Variants in GALNTL6 observed in about 807,000 individuals in gnomAD.
GALNTL6 encodes polypeptide N-acetylgalactosaminyltransferase like 6.
GALNTL6 carries 46 observed loss-of-function variants against 73.7 expected under a neutral mutation model. The ratio of observed to expected loss-of-function variants is 0.62; its 90% CI spans 0.49 to 0.80. GALNTL6 has a LOEUF of 0.80. Among genes scored for constraint, GALNTL6 ranks in the 30% least tolerant of loss-of-function variants. The pLI, the probability that GALNTL6 is intolerant of heterozygous loss-of-function variation, is 0.00. For missense variants in GALNTL6, 604 were observed against 755.0 expected (o/e 0.80, Z 2.34); for synonymous variants, 259 against 263.7 (o/e 0.98, Z 0.17).
intron 2 of GALNTL6, among the ~76,000 whole-genome samples, chr4:171,929,271 T>C (rs144026726): frequency 6.6e-6 from 1 of 152,124 alleles, no homozygotes; most frequent in Admixed American, 6.6e-5. Context: ...GGGATCTCTC[T>C]GTATTGCCCA....
chr4:172,974,877 G>A (rs912336211), intron 10 of GALNTL6, among the ~76,000 whole-genome samples: 2 of 152,216 alleles, frequency 1.3e-5, no homozygotes, highest in Admixed American at 6.5e-5. Context: ...GGCATACCAC[G>A]ACCAGCTTCT....
At chr4:172,311,810 A>ATT in intron 4 of GALNTL6, 58 bp downstream of exon 4, 2 of 1,253,724 alleles carry the variant, frequency 1.6e-6, no homozygotes, top group Admixed American at 2.8e-5. Flanking sequence ...TTGTCCTTTG[A>ATT]TTTTTTTTTA....
At chr4:172,870,524 G>A (rs1436413887) in intron 7 of GALNTL6, among the ~76,000 whole-genome samples, 3 of 152,116 alleles carry the variant, frequency 2.0e-5, no homozygotes, top group Admixed American at 1.3e-4. Context: ...ATAGCCTTTC[G>A]CTTTGGCCCA....
intron 5 of GALNTL6, among the ~76,000 whole-genome samples, chr4:172,426,284 A>G (rs1379180460): frequency 2.6e-5 from 4 of 152,028 alleles, no homozygotes; most frequent in Admixed American, 2.6e-4. Flanking sequence ...TGAGGATAAC[A>G]CCACAATTAA....
At chr4:172,739,180 A>G (rs182292221) in intron 5 of GALNTL6, among the ~76,000 whole-genome samples, 88 of 152,294 alleles carry the variant, frequency 5.8e-4, no homozygotes, top group African/African-American at 1.9e-3. Flanking sequence ...GGAGGGCCTT[A>G]GAATTTTATT....
At chr4:172,942,156 T>G (rs1468491195) in intron 9 of GALNTL6, among the ~76,000 whole-genome samples, 3 of 152,212 alleles carry the variant, frequency 2.0e-5, no homozygotes, top group Non-Finnish European at 4.4e-5. Context: ...GTTCTAATTC[T>G]GAAAACAGTT....
intron 2 of GALNTL6, among the ~76,000 whole-genome samples, chr4:172,037,690 A>G (rs1001383080): frequency 3.9e-5 from 6 of 152,216 alleles, no homozygotes; most frequent in African/African-American, 1.4e-4. Context: ...GATGGGACAG[A>G]CTATGCTGAA....
chr4:172,976,443 A>G (rs756014600), intron 10 of GALNTL6, among the ~76,000 whole-genome samples: 1 of 152,204 alleles, frequency 6.6e-6, no homozygotes, highest in Non-Finnish European at 1.5e-5. Context: ...TCACATAAGT[A>G]TATCCCTGCA....
chr4:172,293,414 A>AT (rs1739540066), intron 3 of GALNTL6, among the ~76,000 whole-genome samples: 1 of 149,298 alleles, frequency 6.7e-6, no homozygotes, highest in Non-Finnish European at 1.5e-5. Flanking sequence ...TTTAAATATG[A>AT]TTATATATGC....
At chr4:172,309,285 T>C (rs1740266444) in intron 3 of GALNTL6, among the ~76,000 whole-genome samples, 1 of 152,096 alleles carries the variant, frequency 6.6e-6, no homozygotes, top group Non-Finnish European at 1.5e-5. Context: ...TACTTTTTTT[T>C]TGAGGAATCA....
At chr4:172,033,835 C>A (rs1261438243) in intron 2 of GALNTL6, among the ~76,000 whole-genome samples, 1 of 151,946 alleles carries the variant, frequency 6.6e-6, no homozygotes, top group Non-Finnish European at 1.5e-5. Context: ...TTTAGATAGA[C>A]CAAAAGAAAG....
At chr4:172,087,762 GA>G (rs34601793) in intron 2 of GALNTL6, among the ~76,000 whole-genome samples, 48,771 of 139,154 alleles carry the variant, frequency 0.35, 8,381 homozygotes, top group South Asian at 0.51. Flanking sequence ...ACAAATAGCA[GA>G]AAAAAAAAAA....
rs970655299 is a variant in GALNTL6 at position 173,033,008 on chromosome 4, CT to C, written c.1639-6915del. On this transcript the variant is annotated intron_variant, in intron 12 of 12. Transcript: ENST00000506823. Reference sequence around the variant, plus strand: ...GGCATTAAGAAACATTATTTCTTTTCTTTTTTTTTTGAGACGGAGTCTCGCT... The same window carrying C: ...GGCATTAAGAAACATTATTTCTTTTCTTTTTTTTTGAGACGGAGTCTCGCT... Among the ~76,000 whole-genome samples the C allele has an allele frequency of 1.6e-4, 24 of 149,322 alleles. No homozygotes were observed. The East Asian group carries it at 2.8e-3, about 17-fold the overall frequency.
chr4:171,835,879 G>A (rs1194579348), intron 2 of GALNTL6, among the ~76,000 whole-genome samples: 2 of 151,696 alleles, frequency 1.3e-5, no homozygotes, highest in African/African-American at 4.8e-5. Context: ...TAGTGATAAT[G>A]GTTTACTGTA....
At chr4:172,305,168 G>A (rs116405526) in intron 3 of GALNTL6, among the ~76,000 whole-genome samples, 2,404 of 152,060 alleles carry the variant, frequency 0.016, 65 homozygotes, top group African/African-American at 0.055. Context: ...TGGTAGGTGT[G>A]CCAATGTACA....
chr4:173,026,689 C>G (rs527975606), intron 12 of GALNTL6, among the ~76,000 whole-genome samples: 9 of 152,186 alleles, frequency 5.9e-5, no homozygotes, highest in Non-Finnish European at 1.2e-4. Flanking sequence ...AGTCTTTTGC[C>G]CATTTTCAAA....
chr4:172,213,276 A>G (rs1472407434), intron 2 of GALNTL6, among the ~76,000 whole-genome samples: 1 of 152,150 alleles, frequency 6.6e-6, no homozygotes, highest in Non-Finnish European at 1.5e-5. Flanking sequence ...TGTGGACATA[A>G]ATTTTCAAAC....
intron 2 of GALNTL6, among the ~76,000 whole-genome samples, chr4:172,193,961 G>C (rs1455093030): frequency 1.3e-5 from 2 of 152,156 alleles, no homozygotes; most frequent in East Asian, 3.9e-4. Flanking sequence ...TGTCCACCAA[G>C]GGCACAAAAC....
At chr4:171,830,502 CAA>C (rs1191844436) in intron 2 of GALNTL6, among the ~76,000 whole-genome samples, 1 of 151,742 alleles carries the variant, frequency 6.6e-6, no homozygotes, top group Admixed American at 6.6e-5. Context: ...TATATGTATA[CAA>C]AAAAATAAGA....
Sources: allele counts gnomAD v4.1 joint callset (sites outside exome capture counted in the v4.1 genomes callset), GRCh38; gene constraint gnomAD v4.1.1; transcripts MANE v1.5; gene names NCBI Gene and HGNC (gene_info 2026-07-23, HGNC 2026-07-21).